SERPINI1: variants seen among roughly 807,000 people sequenced by gnomAD.
The protein encoded by SERPINI1 is serpin family I member 1, also known as neuroserpin.
A neutral mutation model predicts 41.1 loss-of-function variants in SERPINI1; 19 were observed. The ratio of observed to expected loss-of-function variants is 0.46; its 90% CI spans 0.32 to 0.68. SERPINI1 has a LOEUF of 0.68. Among genes scored for constraint, SERPINI1 ranks in the 30% least tolerant of loss-of-function variants. The pLI is 0.03. For missense variants in SERPINI1, 460 were observed against 479.2 expected (o/e 0.96, Z 0.37); for synonymous variants, 138 against 156.6 (o/e 0.88, Z 0.89).
chr3:167,765,237 C>T (rs1726520787), intron 1 of SERPINI1, among the ~76,000 whole-genome samples: 1 of 152,252 alleles, frequency 6.6e-6, no homozygotes, highest in South Asian at 2.1e-4. Flanking sequence ...ATGAGAGTCC[C>T]ACCCCTGCAG....
intron 6 of SERPINI1, among the ~76,000 whole-genome samples, chr3:167,822,070 A>T (rs1712353232): frequency 1.3e-5 from 2 of 152,190 alleles, no homozygotes; most frequent in South Asian, 4.1e-4. Context: ...TGTTATAGAA[A>T]CATCCAGACA....
chr3:167,814,598 G>A (rs928203587), intron 6 of SERPINI1, among the ~76,000 whole-genome samples: 2 of 152,176 alleles, frequency 1.3e-5, no homozygotes, highest in Non-Finnish European at 2.9e-5. Flanking sequence ...GGAAGTAGTG[G>A]CCTACACTTG....
At chr3:167,775,882 G>T (rs150877795) in intron 1 of SERPINI1, among the ~76,000 whole-genome samples, 39 of 151,890 alleles carry the variant, frequency 2.6e-4, no homozygotes, top group African/African-American at 9.2e-4. Flanking sequence ...TATCCTTTTT[G>T]TACAAGAAAT....
At chr3:167,742,405 T>G (rs1202379224) in intron 1 of SERPINI1, among the ~76,000 whole-genome samples, 1 of 152,196 alleles carries the variant, frequency 6.6e-6, no homozygotes, top group Admixed American at 6.5e-5. Flanking sequence ...GTTGTTTGCT[T>G]TTTGTTTACA....
At chr3:167,793,785 A>G (rs1727613693) in intron 4 of SERPINI1, among the ~76,000 whole-genome samples, 1 of 150,144 alleles carries the variant, frequency 6.7e-6, no homozygotes, top group African/African-American at 2.5e-5. Context: ...TTATATGTAG[A>G]TAAAACTATA....
chr3:167,765,877 C>T (rs1186229193), intron 1 of SERPINI1, among the ~76,000 whole-genome samples: 1 of 152,182 alleles, frequency 6.6e-6, no homozygotes, highest in Non-Finnish European at 1.5e-5. Flanking sequence ...CAAAATGCTG[C>T]CAGTCTCTTT....
Position 167,794,834 on chromosome 3 carries a change from T to C in SERPINI1, c.881+10T>C. The C allele has an allele frequency of 6.2e-7, 1 of 1,611,042 alleles. No individual in the cohort carries two copies. Among genetic ancestry groups the C allele is most frequent in the Non-Finnish European group, 8.5e-7 (1 of 1,178,582 alleles). The stretch of plus-strand genomic sequence containing the variant: ...AAGTATACCTGCCCAGGTATGAGGT[T>C]CCTGTGTCACCCGTCCCACAGCATG... On this transcript the variant is annotated intron_variant, in intron 5 of 8. Transcript: ENST00000446050.
chr3:167,815,390 T>C (rs964898749), intron 6 of SERPINI1, among the ~76,000 whole-genome samples: 11 of 151,364 alleles, frequency 7.3e-5, no homozygotes, highest in Admixed American at 6.6e-4. Context: ...TTTTTTTTTC[T>C]TTTTTTTTCT....
At position 167,825,504 on chromosome 3, in the gene SERPINI1, T is replaced by C. The variant is rs773093983; in HGVS notation, c.*181T>C. 1.5e-5 allele frequency: 9 copies of C among 589,206 alleles called. No individual in the cohort carries two copies. The highest frequency in any genetic ancestry group is 2.4e-5 in the Non-Finnish European group (8 of 328,536). 36.5% of individuals were successfully genotyped at this position (589,206 alleles called of 1,614,324 possible). On this transcript the variant is annotated 3_prime_UTR_variant, in exon 9 of 9. Coordinates refer to ENST00000446050, the MANE Select transcript of SERPINI1 (RefSeq NM_001122752.2). ...AGGAATGTTATCAGTATTAAGCTAA[T>C]GGTCCTGTTATGTCATTGTGTTTGT... is the stretch of plus-strand genomic sequence containing the variant.
intron 1 of SERPINI1, among the ~76,000 whole-genome samples, chr3:167,739,691 A>C (rs1387513924): frequency 6.6e-6 from 1 of 152,172 alleles, no homozygotes; most frequent in South Asian, 2.1e-4. Flanking sequence ...ATTTCATTCT[A>C]TAAAAACTGA....
rs776746623 is a variant in SERPINI1, at chr3:167,789,272, C to A, written c.144C>A (p.Phe48Leu). ...CTGGTGAAGATGAAAATATTCTCTTCTCTCCATTGAGTATTGCTCTTGCAA... is the reference window on the plus strand; with the variant it reads ...CTGGTGAAGATGAAAATATTCTCTTATCTCCATTGAGTATTGCTCTTGCAA... ...RATGEDENIL[F>L]SPLSIALAMG... is the part of the protein sequence containing the mutation. The change falls in exon 2 of 9, where the codon TTC becomes TTA. Residue 48 changes from phenylalanine to leucine, a missense_variant. Physicochemically the swap from Phe to Leu is conservative, Grantham distance 22 (BLOSUM62 0). Coordinates refer to ENST00000446050, the MANE Select transcript of SERPINI1 (RefSeq NM_001122752.2). The A allele has an allele frequency of 2.5e-6, 4 of 1,614,036 alleles. No individual in the cohort carries two copies. The highest frequency in any genetic ancestry group is 2.5e-6 in the Non-Finnish European group (3 of 1,180,020).
At chr3:167,786,665 C>T (rs1192866062) in intron 1 of SERPINI1, among the ~76,000 whole-genome samples, 1 of 151,994 alleles carries the variant, frequency 6.6e-6, no homozygotes, top group African/African-American at 2.4e-5. Context: ...CTGTATGTTA[C>T]CGTAGAATTT....
At chr3:167,819,669 A>C (rs1410272465) in intron 6 of SERPINI1, among the ~76,000 whole-genome samples, 1 of 152,236 alleles carries the variant, frequency 6.6e-6, no homozygotes, top group Non-Finnish European at 1.5e-5. Flanking sequence ...CAGATGTACC[A>C]AAATGTTGAA....
At chr3:167,816,766 A>G (rs529016752) in intron 6 of SERPINI1, among the ~76,000 whole-genome samples, 2 of 152,210 alleles carry the variant, frequency 1.3e-5, no homozygotes, top group Admixed American at 1.3e-4. Context: ...ATTAGAGGAG[A>G]GCAGAAAAAG....
rs551445305 is a variant in SERPINI1, at chr3:167,755,324, T to A, written c.-19+19501T>A. Reference sequence around the variant, plus strand: ...ACCTCCTTTTAAAGTCATTTCAGATTTCACCAGCAGTGCACATTCACTCCT... The same window carrying A: ...ACCTCCTTTTAAAGTCATTTCAGATATCACCAGCAGTGCACATTCACTCCT... On this transcript the variant is annotated intron_variant, in intron 1 of 8. Transcript: ENST00000446050. Among the ~76,000 whole-genome samples, 4 of 152,290 alleles carry A rather than the reference T, an allele frequency of 2.6e-5. No homozygotes were observed. The South Asian group carries it at 6.2e-4, about 24-fold the overall frequency.
At chr3:167,753,553 AC>A (rs1183503188) in intron 1 of SERPINI1, among the ~76,000 whole-genome samples, 1 of 152,100 alleles carries the variant, frequency 6.6e-6, no homozygotes, top group East Asian at 1.9e-4. Context: ...AGGCCTTGGG[AC>A]CCTATGAAGA....
intron 6 of SERPINI1, among the ~76,000 whole-genome samples, chr3:167,807,691 A>C (rs1435965082): frequency 1.3e-5 from 2 of 152,186 alleles, no homozygotes; most frequent in African/African-American, 4.8e-5. Flanking sequence ...ATTGTAGTAA[A>C]TCATGTAAGA....
intron 1 of SERPINI1, among the ~76,000 whole-genome samples, chr3:167,781,507 A>C (rs766831669): frequency 6.6e-6 from 1 of 151,972 alleles, no homozygotes. Flanking sequence ...TAGTAGCCCT[A>C]TGTAGGTTCT....
intron 1 of SERPINI1, among the ~76,000 whole-genome samples, chr3:167,769,501 T>G (rs188841662): frequency 6.6e-6 from 1 of 152,242 alleles, no homozygotes; most frequent in Non-Finnish European, 1.5e-5. Context: ...TTTGTGCTTA[T>G]TCTAGTTTAT....
Sources: gnomAD v4.1 joint callset for allele counts (sites outside exome capture counted in the v4.1 genomes callset) on GRCh38, gnomAD v4.1.1 for gene constraint, MANE v1.5 for transcripts, NCBI Gene and HGNC (gene_info 2026-07-23, HGNC 2026-07-21) for gene names.